Variants in OPCML observed in about 807,000 individuals in gnomAD.
OPCML encodes the protein opioid-binding protein/cell adhesion molecule.
In OPCML, 13 loss-of-function variants were observed where a neutral mutation model predicts 37.8. The ratio of observed to expected loss-of-function variants is 0.34; its 90% CI spans 0.22 to 0.55. The LOEUF is 0.55. Ranked by LOEUF, OPCML falls within the 20% of genes least tolerant of loss-of-function variation. The pLI is 0.91. For synonymous variants in OPCML, 176 were observed against 168.8 expected (o/e 1.04, Z -0.33); for missense variants, 341 against 435.6 (o/e 0.78, Z 1.93).
At chr11:133,049,732 G>C (rs763042300) in intron 1 of OPCML, among the ~76,000 whole-genome samples, 1 of 152,186 alleles carries the variant, frequency 6.6e-6, no homozygotes, top group African/African-American at 2.4e-5. Context: ...CCTCCTGGAA[G>C]CTGGTTTCAC....
intron 3 of OPCML, among the ~76,000 whole-genome samples, chr11:132,635,878 A>G (rs1369803869): frequency 2.6e-5 from 4 of 152,222 alleles, no homozygotes; most frequent in Admixed American, 2.6e-4. Context: ...AGGAGGTTGA[A>G]CTTCAGGAAG....
At chr11:132,925,857 G>A (rs1944972973) in intron 2 of OPCML, among the ~76,000 whole-genome samples, 1 of 152,114 alleles carries the variant, frequency 6.6e-6, no homozygotes, top group African/African-American at 2.4e-5. Context: ...TTACATGTCA[G>A]ACCAGAAGGT....
intron 1 of OPCML, among the ~76,000 whole-genome samples, chr11:133,044,562 C>T (rs893006646): frequency 1.4e-4 from 22 of 152,266 alleles, no homozygotes; most frequent in Non-Finnish European, 2.5e-4. Flanking sequence ...AAGAAGAAGC[C>T]GTATTTATTG....
intron 3 of OPCML, among the ~76,000 whole-genome samples, chr11:132,553,660 A>C (rs2096387597): frequency 6.6e-6 from 1 of 152,354 alleles, no homozygotes; most frequent in Admixed American, 6.5e-5. Flanking sequence ...ATACATAAAT[A>C]TATTCTAAAA....
intron 1 of OPCML, among the ~76,000 whole-genome samples, chr11:133,242,048 T>C (rs775763795): frequency 6.6e-6 from 1 of 152,228 alleles, no homozygotes; most frequent in Non-Finnish European, 1.5e-5. Context: ...TTGACTCTCA[T>C]AAATGTTTAT....
chr11:132,539,328 A>G (rs1350491985), intron 3 of OPCML, among the ~76,000 whole-genome samples: 6 of 152,304 alleles, frequency 3.9e-5, no homozygotes, highest in East Asian at 1.9e-4. Context: ...TGTGCAAAGG[A>G]TCTACAAAAC....
chr11:132,728,395 T>C (rs1247630276), intron 2 of OPCML, among the ~76,000 whole-genome samples: 2 of 152,138 alleles, frequency 1.3e-5, no homozygotes, highest in Non-Finnish European at 2.9e-5. Context: ...CGTTTGGGTG[T>C]GCAGAGCTGC....
intron 2 of OPCML, among the ~76,000 whole-genome samples, chr11:132,839,989 G>A (rs1306340045): frequency 1.3e-5 from 2 of 152,172 alleles, no homozygotes; most frequent in Non-Finnish European, 2.9e-5. Flanking sequence ...TTTGCTGGGA[G>A]GAGGTCCAGG....
intron 3 of OPCML, among the ~76,000 whole-genome samples, chr11:132,554,863 GTTTTTTTTTTTTTT>G (rs5795789): frequency 1.6e-5 from 1 of 64,010 alleles, no homozygotes; most frequent in African/African-American, 5.8e-5. Context: ...ATGGGGTAAA[GTTTTTTTTTTTTTT>G]TTTTTTTTTT....
At chr11:133,420,642 G>A (rs1268729842) in intron 1 of OPCML, 26 of 985,164 alleles carry the variant, frequency 2.6e-5, no homozygotes, top group Non-Finnish European at 3.1e-5. Context: ...GGGTATGGAG[G>A]CTTTAAGAAG....
intron 4 of OPCML, among the ~76,000 whole-genome samples, chr11:132,500,437 G>C (rs972201537): frequency 6.6e-6 from 1 of 152,112 alleles, no homozygotes; most frequent in Non-Finnish European, 1.5e-5. Flanking sequence ...TTGGGTCCAG[G>C]GAACAGCTTC....
At chr11:132,808,553 A>G (rs1056030695) in intron 2 of OPCML, among the ~76,000 whole-genome samples, 4 of 152,162 alleles carry the variant, frequency 2.6e-5, no homozygotes, top group Admixed American at 1.3e-4. Context: ...TTTCCCAAAG[A>G]AATTTGATGA....
intron 2 of OPCML, among the ~76,000 whole-genome samples, chr11:132,729,460 T>C (rs777071516): frequency 4.6e-5 from 7 of 152,168 alleles, no homozygotes; most frequent in Non-Finnish European, 8.8e-5. Context: ...TGAGCATAAG[T>C]CACACCTGTG....
At chr11:132,931,343 C>T (rs7932821) in intron 2 of OPCML, among the ~76,000 whole-genome samples, 27,791 of 151,908 alleles carry the variant, frequency 0.18, 3,394 homozygotes, top group African/African-American at 0.34. Flanking sequence ...AACGTTAAAG[C>T]CTTCTTCATC....
chr11:132,729,147 G>A (rs1000682727), intron 2 of OPCML, among the ~76,000 whole-genome samples: 6 of 152,200 alleles, frequency 3.9e-5, no homozygotes, highest in African/African-American at 1.4e-4. Context: ...GGGAAGATGA[G>A]AGTAAAAATG....
At chr11:133,354,673 T>A (rs1371110865) in intron 1 of OPCML, among the ~76,000 whole-genome samples, 1 of 152,186 alleles carries the variant, frequency 6.6e-6, no homozygotes, top group Admixed American at 6.5e-5. Context: ...GTGTACTCAA[T>A]ATTTTGAGTG....
At chr11:132,716,001 T>C (rs535156216) in intron 2 of OPCML, among the ~76,000 whole-genome samples, 5 of 152,160 alleles carry the variant, frequency 3.3e-5, no homozygotes, top group Admixed American at 6.5e-5. Flanking sequence ...AAAAATTCGG[T>C]GCCAATTAAT....
At chr11:133,323,839 T>C (rs1326474894) in intron 1 of OPCML, among the ~76,000 whole-genome samples, 1 of 152,202 alleles carries the variant, frequency 6.6e-6, no homozygotes, top group Admixed American at 6.5e-5. Flanking sequence ...CCAAACTTCA[T>C]TTATGCCCTC....
chr11:132,802,704 C>G (rs575913155), intron 2 of OPCML, among the ~76,000 whole-genome samples: 3 of 152,212 alleles, frequency 2.0e-5, no homozygotes, highest in South Asian at 4.1e-4. Context: ...GGTCTATGTT[C>G]CTATCCTGAG....
Sources: allele counts gnomAD v4.1 joint callset (sites outside exome capture counted in the v4.1 genomes callset), GRCh38; gene constraint gnomAD v4.1.1; transcripts MANE v1.5; gene names NCBI Gene and HGNC (gene_info 2026-07-23, HGNC 2026-07-21).